Variants in PYHIN1 observed in about 807,000 individuals in gnomAD.
The protein encoded by PYHIN1 is pyrin and HIN domain-containing protein 1.
A neutral mutation model predicts 43.7 loss-of-function variants in PYHIN1; 32 were observed. That is an observed-to-expected ratio of 0.73 (90% CI 0.55 to 0.98). The LOEUF is 0.98. Among genes scored for constraint, PYHIN1 ranks in the 50% least tolerant of loss-of-function variants. PYHIN1 has a pLI of 0.00. For synonymous variants in PYHIN1, 205 were observed against 203.1 expected, an observed-to-expected ratio of 1.01 and a Z score of -0.08; for missense variants, 588 against 589.5, an observed-to-expected ratio of 1.00 and a Z score of 0.03.
chr1:158,983,831 GT>G, the PYHIN1 span, among the ~76,000 whole-genome samples: 1 of 152,086 alleles, frequency 6.6e-6, no homozygotes, highest in Admixed American at 6.5e-5. Flanking sequence ...TTATTGATCT[GT>G]TTAGGTATTC....
chr1:158,931,929 G>C (rs2101632498), intron 1 of PYHIN1, among the ~76,000 whole-genome samples, 153 bp downstream of exon 1: 1 of 152,282 alleles, frequency 6.6e-6, no homozygotes, highest in Non-Finnish European at 1.5e-5. Flanking sequence ...GAAAACTGCA[G>C]TTAATACTTC....
chr1:158,944,690 A>G (rs1364203682), intron 6 of PYHIN1, among the ~76,000 whole-genome samples, 185 bp from the exon 7 acceptor site: 1 of 152,248 alleles, frequency 6.6e-6, no homozygotes, highest in Non-Finnish European at 1.5e-5. Flanking sequence ...AGAATGTTAG[A>G]TCATTTTACA....
At chr1:158,947,423 T>C (rs1259408745) in intron 7 of PYHIN1, among the ~76,000 whole-genome samples, 1 of 152,238 alleles carries the variant, frequency 6.6e-6, no homozygotes, top group African/African-American at 2.4e-5. Flanking sequence ...TATTTTAAAC[T>C]ATCCATGGTC....
At chr1:158,967,262 C>T (rs1049963246) in intron 7 of PYHIN1, among the ~76,000 whole-genome samples, 1 of 151,970 alleles carries the variant, frequency 6.6e-6, no homozygotes, top group East Asian at 1.9e-4. Context: ...ATGTGACAGG[C>T]ACTGTGTACA....
At chr1:158,944,083 G>C (rs751036889) in intron 6 of PYHIN1, 105 bp downstream of exon 6, 60 of 881,346 alleles carry the variant, frequency 6.8e-5, no homozygotes, top group Non-Finnish European at 9.0e-5. Context: ...ATTCTGCAGA[G>C]TTCATGAGAA....
At chr1:158,953,714 G>A (rs1007504129) in intron 7 of PYHIN1, among the ~76,000 whole-genome samples, 11 of 152,200 alleles carry the variant, frequency 7.2e-5, no homozygotes, top group African/African-American at 1.9e-4. Flanking sequence ...CCAAAGAAAC[G>A]CAGTTCCTCA....
chr1:158,945,166 C>T (rs1310746650), intron 7 of PYHIN1, 124 bp downstream of exon 7: 1 of 990,468 alleles, frequency 1.0e-6, no homozygotes, highest in Non-Finnish European at 1.5e-6. Flanking sequence ...AATTAAATCA[C>T]CCATGTATTT....
At chr1:158,961,601 G>C (rs1650324057) in intron 7 of PYHIN1, among the ~76,000 whole-genome samples, 1 of 152,046 alleles carries the variant, frequency 6.6e-6, no homozygotes, top group Non-Finnish European at 1.5e-5. Context: ...GAATGGCACG[G>C]AGCCAGAGGA....
At chr1:158,979,142 G>A (rs936721126), downstream of PYHIN1, among the ~76,000 whole-genome samples, 6 of 152,248 alleles carry the variant, frequency 3.9e-5, no homozygotes, top group East Asian at 1.9e-4. Flanking sequence ...GCATGTATTA[G>A]AATTTTATGA....
In PYHIN1 at chr1:158,972,113, A is replaced by G. The variant is rs1364301146; in HGVS notation, c.1360-1534A>G. ...ATCTTTTCTTCAGAACACAGATGCC[A>G]GAATCACCCAAACATATGACTCCAA... On this transcript the variant is annotated intron_variant, in intron 7 of 8. Transcript: ENST00000368140. Among the ~76,000 whole-genome samples the G allele has an allele frequency of 2.6e-5, 4 of 152,054 alleles. No homozygotes were observed. The East Asian group carries it at 7.7e-4, about 29-fold the overall frequency.
chr1:158,971,080 A>C (rs978462318), intron 7 of PYHIN1, among the ~76,000 whole-genome samples: 1 of 151,968 alleles, frequency 6.6e-6, no homozygotes, highest in African/African-American at 2.4e-5. Flanking sequence ...AATAGTGTTG[A>C]ATTTTACATT....
the PYHIN1 span, among the ~76,000 whole-genome samples, chr1:158,988,009 G>T: frequency 5.6e-4 from 85 of 152,276 alleles, 1 homozygote; most frequent in African/African-American, 1.8e-3. Context: ...ATAAGCCAAA[G>T]AACACTGAAG....
At chr1:158,932,919 G>A (rs1315224166) in intron 1 of PYHIN1, among the ~76,000 whole-genome samples, 4 of 152,098 alleles carry the variant, frequency 2.6e-5, no homozygotes, top group Non-Finnish European at 5.9e-5. Flanking sequence ...AAGACTTTCT[G>A]TATAGCCTGG....
At chr1:158,946,547 T>TTAGATAGA (rs4053507) in intron 7 of PYHIN1, among the ~76,000 whole-genome samples, 9,394 of 148,466 alleles carry the variant, frequency 0.063, 323 homozygotes, top group South Asian at 0.076. Flanking sequence ...AGCACAGTGA[T>TTAGATAGA]TAGATAGATA....
At chr1:158,952,940 G>T (rs1649651896) in intron 7 of PYHIN1, among the ~76,000 whole-genome samples, 1 of 152,208 alleles carries the variant, frequency 6.6e-6, no homozygotes, top group African/African-American at 2.4e-5. Context: ...TGCCTCACTT[G>T]GGAAGCACAA....
At chr1:158,988,622 T>C in the PYHIN1 span, among the ~76,000 whole-genome samples, 1 of 152,182 alleles carries the variant, frequency 6.6e-6, no homozygotes. Context: ...CTCTTGGCTG[T>C]ATTGAGTTCT....
At chr1:158,951,708 A>C (rs1649540002) in intron 7 of PYHIN1, among the ~76,000 whole-genome samples, 1 of 152,220 alleles carries the variant, frequency 6.6e-6, no homozygotes, top group Non-Finnish European at 1.5e-5. Flanking sequence ...AATCTCAAGG[A>C]CTATTAAGAG....
Position 158,952,773 on chromosome 1 carries a change from G to A in PYHIN1, c.1359+7731G>A, listed in dbSNP as rs571587569. ...GAGCCAAGATGGCCGAACAGGAATA[G>A]CTCCCGTATACAGCTCCCAGCGTAA... On this transcript the variant is annotated intron_variant, in intron 7 of 8. Transcript: ENST00000368140. 6.0e-4 allele frequency among the ~76,000 whole-genome samples: 91 copies of A among 152,360 alleles called. 2 individuals are homozygous for A. In the South Asian group the frequency reaches 0.019, roughly 32 times the overall value.
chr1:158,941,877 C>A (rs1648935515), intron 4 of PYHIN1, 100 bp from the exon 5 acceptor site: 2 of 1,155,626 alleles, frequency 1.7e-6, no homozygotes, highest in African/African-American at 3.1e-5. Context: ...ACATCTACAA[C>A]TTTTGGGGGC....
Sources: allele counts gnomAD v4.1 joint callset (sites outside exome capture counted in the v4.1 genomes callset), GRCh38; gene constraint gnomAD v4.1.1; transcripts MANE v1.5; gene names NCBI Gene and HGNC (gene_info 2026-07-23, HGNC 2026-07-21).